PDE8B: variants seen among roughly 807,000 people sequenced by gnomAD.
PDE8B encodes phosphodiesterase 8B.
PDE8B carries 26 observed loss-of-function variants against 101.3 expected under a neutral mutation model. The observed-to-expected ratio is 0.26, with a 90% confidence interval of 0.19 to 0.36. The LOEUF is 0.36. Ranked by LOEUF, PDE8B falls within the 10% of genes least tolerant of loss-of-function variation. The pLI, the probability that PDE8B is intolerant of heterozygous loss-of-function variation, is 1.00. For missense variants in PDE8B, 810 were observed against 1,163.1 expected (o/e 0.70, Z 4.42); for synonymous variants, 424 against 429.3 (o/e 0.99, Z 0.15).
At chr5:77,332,500 A>C (rs1195127947) in intron 5 of PDE8B, among the ~76,000 whole-genome samples, 1 of 152,226 alleles carries the variant, frequency 6.6e-6, no homozygotes, top group Non-Finnish European at 1.5e-5. Flanking sequence ...AAAAAAACTA[A>C]GTAACTAGGC....
chr5:77,397,026 ATTTTT>A (rs71606290), intron 10 of PDE8B, among the ~76,000 whole-genome samples: 18 of 84,398 alleles, frequency 2.1e-4, no homozygotes, highest in East Asian at 8.4e-4. Flanking sequence ...CCGATAAGAA[ATTTTT>A]TTTTTTTTTT....
At chr5:77,352,186 G>A (rs902909909) in intron 9 of PDE8B, among the ~76,000 whole-genome samples, 7 of 152,148 alleles carry the variant, frequency 4.6e-5, no homozygotes, top group African/African-American at 1.4e-4. Flanking sequence ...GCTGCCCCTC[G>A]GCCCTCCTCC....
At chr5:77,337,466 A>G (rs376744097) in intron 6 of PDE8B, 151 bp downstream of exon 6, 2 of 666,900 alleles carry the variant, frequency 3.0e-6, no homozygotes, top group African/African-American at 3.6e-5. Context: ...CAACAGCAGT[A>G]TCTAAGCCAG....
chr5:77,240,050 C>T (rs1001246977), intron 1 of PDE8B, among the ~76,000 whole-genome samples: 4 of 151,790 alleles, frequency 2.6e-5, no homozygotes, highest in Non-Finnish European at 4.4e-5. Context: ...TCAACAAGCT[C>T]TCCAGTAACA....
intron 18 of PDE8B, 48 bp downstream of exon 18, chr5:77,418,494 G>A: frequency 7.4e-7 from 1 of 1,350,928 alleles, no homozygotes; most frequent in Non-Finnish European, 1.0e-6. Flanking sequence ...AGTTTAAGTG[G>A]TTTTCCCAAA....
At chr5:77,344,224 C>T (rs1779750546) in intron 6 of PDE8B, among the ~76,000 whole-genome samples, 1 of 152,202 alleles carries the variant, frequency 6.6e-6, no homozygotes, top group African/African-American at 2.4e-5. Context: ...TACATCATTA[C>T]TGTATTGCTA....
At chr5:77,386,924 C>T (rs1478119290) in intron 10 of PDE8B, among the ~76,000 whole-genome samples, 13 of 119,286 alleles carry the variant, frequency 1.1e-4, no homozygotes, top group East Asian at 8.2e-4. Context: ...TCGCCCAGGC[C>T]GGACTGCGGA....
the PDE8B span, chr5:77,100,356 G>T: frequency 1.3e-5 from 2 of 152,234 alleles, no homozygotes; most frequent in African/African-American, 4.8e-5. Context: ...AAAGCTATCT[G>T]CTGTGAGACA....
At chr5:77,180,327 C>A in the PDE8B span, 2 of 483,342 alleles carry the variant, frequency 4.1e-6, no homozygotes, top group Non-Finnish European at 5.4e-6. Context: ...GCAACCAGAG[C>A]CTTCACGTGG....
At chr5:77,138,499 T>A in the PDE8B span, among the ~76,000 whole-genome samples, 1 of 152,232 alleles carries the variant, frequency 6.6e-6, no homozygotes, top group Non-Finnish European at 1.5e-5. Flanking sequence ...TAAGCAGGCT[T>A]CTTTCATTCT....
rs974260008 is a variant in PDE8B at position 77,297,672 on chromosome 5, A to G, written c.340-14322A>G. On this transcript the variant is annotated intron_variant, in intron 1 of 21. Transcript: ENST00000264917. ...TGCTACACCTTTGTCCACCTAGCAAAGCCCAGGCTTCTCACCACAGCAGCC... is the reference window on the plus strand; with the variant it reads ...TGCTACACCTTTGTCCACCTAGCAAGGCCCAGGCTTCTCACCACAGCAGCC... Among the ~76,000 whole-genome samples the G allele has an allele frequency of 6.3e-4, 96 of 152,150 alleles. 1 individual carries two copies. The highest frequency in any genetic ancestry group is 2.1e-4 in the Non-Finnish European group (14 of 68,022).
chr5:77,094,044 A>T, the PDE8B span, among the ~76,000 whole-genome samples: 1 of 152,108 alleles, frequency 6.6e-6, no homozygotes, highest in Non-Finnish European at 1.5e-5. Context: ...GTTTGGTTAG[A>T]AGTCAAAATT....
chr5:77,231,519 C>A (rs1753556618), intron 1 of PDE8B, among the ~76,000 whole-genome samples: 1 of 152,110 alleles, frequency 6.6e-6, no homozygotes, highest in Non-Finnish European at 1.5e-5. Context: ...GTGTGATAAT[C>A]AGAGAAAGTA....
chr5:77,381,788 T>A (rs1300109308), intron 10 of PDE8B, among the ~76,000 whole-genome samples: 1 of 152,074 alleles, frequency 6.6e-6, no homozygotes, highest in African/African-American at 2.4e-5. Context: ...GGCTAGTTCA[T>A]AAAATCTATC....
intron 1 of PDE8B, among the ~76,000 whole-genome samples, chr5:77,221,444 G>A (rs1437092580): frequency 6.6e-6 from 1 of 152,126 alleles, no homozygotes; most frequent in Non-Finnish European, 1.5e-5. Flanking sequence ...AGGTTTGATT[G>A]GATTATACTA....
At chr5:77,118,710 T>C in the PDE8B span, 1 of 222,408 alleles carries the variant, frequency 4.5e-6, no homozygotes, top group Non-Finnish European at 8.7e-6. Context: ...GTGGTCAGTG[T>C]AGAATATTCC....
At chr5:77,146,116 GT>G in the PDE8B span, 1 of 152,168 alleles carries the variant, frequency 6.6e-6, no homozygotes, top group Admixed American at 6.5e-5. Flanking sequence ...TTTGTCTTTA[GT>G]TTTATAGATT....
At chr5:77,329,144 A>T (rs1776634241) in intron 4 of PDE8B, 87 bp downstream of exon 4, 3 of 1,020,520 alleles carry the variant, frequency 2.9e-6, no homozygotes, top group Non-Finnish European at 4.7e-6. Flanking sequence ...GAGCTATCTA[A>T]GCAATGGGTG....
chr5:77,191,340 T>C, the PDE8B span, among the ~76,000 whole-genome samples: 1 of 152,280 alleles, frequency 6.6e-6, no homozygotes, highest in Non-Finnish European at 1.5e-5. Flanking sequence ...ATAATATTTA[T>C]GTACAATAAA....
Sources: allele counts gnomAD v4.1 joint callset (sites outside exome capture counted in the v4.1 genomes callset), GRCh38; gene constraint gnomAD v4.1.1; transcripts MANE v1.5; gene names NCBI Gene and HGNC (gene_info 2026-07-23, HGNC 2026-07-21).